ARHGAP32: variants seen among roughly 807,000 people sequenced by gnomAD.
ARHGAP32 encodes the protein Rho GTPase activating protein 32.
In ARHGAP32, 51 loss-of-function variants were observed where a neutral mutation model predicts 186.5. That is an observed-to-expected ratio of 0.27 (90% CI 0.22 to 0.35). ARHGAP32 has a LOEUF of 0.35. Among genes scored for constraint, ARHGAP32 ranks in the 10% least tolerant of loss-of-function variants. The probability of loss-of-function intolerance (pLI) is 1.00; values close to 1 mark genes in which losing one functional copy is unlikely to be tolerated. For missense variants in ARHGAP32, 2,186 were observed against 2,623.5 expected, an observed-to-expected ratio of 0.83 and a Z score of 3.64; for synonymous variants, 950 against 964.3, an observed-to-expected ratio of 0.99 and a Z score of 0.27.
intron 11 of ARHGAP32, among the ~76,000 whole-genome samples, chr11:129,037,742 C>T (rs757197430): frequency 4.0e-5 from 6 of 151,870 alleles, no homozygotes; most frequent in Non-Finnish European, 5.9e-5. Flanking sequence ...GGATGACTTA[C>T]ACTTCCCCAC....
chr11:129,246,369 C>T (rs182298467), intron 1 of ARHGAP32, among the ~76,000 whole-genome samples: 1 of 152,230 alleles, frequency 6.6e-6, no homozygotes, highest in East Asian at 1.9e-4. Context: ...GCTGGGATAA[C>T]ACAATCTATA....
At chr11:129,170,835 T>C (rs1943744422) in intron 1 of ARHGAP32, among the ~76,000 whole-genome samples, 1 of 152,320 alleles carries the variant, frequency 6.6e-6, no homozygotes, top group Admixed American at 6.5e-5. Context: ...GCATCTATTG[T>C]TTCCTGACTT....
chr11:129,061,425 A>G (rs1470034927), intron 10 of ARHGAP32, among the ~76,000 whole-genome samples: 2 of 152,206 alleles, frequency 1.3e-5, no homozygotes, highest in African/African-American at 4.8e-5. Context: ...AAACCCTAGG[A>G]TACTTTTTCC....
At chr11:129,196,978 G>A (rs1453476934), upstream of ARHGAP32, among the ~76,000 whole-genome samples, 1 of 152,056 alleles carries the variant, frequency 6.6e-6, no homozygotes, top group Non-Finnish European at 1.5e-5. Context: ...AATAGCTTCA[G>A]CCTGGGAGGG....
intron 1 of ARHGAP32, among the ~76,000 whole-genome samples, chr11:129,239,517 T>A (rs1944986611): frequency 6.6e-6 from 1 of 152,094 alleles, no homozygotes; most frequent in South Asian, 2.1e-4. Context: ...TAACCACCTT[T>A]TAGTTAGTTC....
intron 5 of ARHGAP32, among the ~76,000 whole-genome samples, chr11:129,105,927 A>C (rs1942035672): frequency 6.6e-6 from 1 of 152,186 alleles, no homozygotes. Context: ...ACATATGAGA[A>C]TATTAGCAAG....
chr11:128,987,781 C>G (rs1945919312), intron 13 of ARHGAP32, among the ~76,000 whole-genome samples: 1 of 152,060 alleles, frequency 6.6e-6, no homozygotes. Flanking sequence ...TTAAAATCTT[C>G]AAACACTATA....
At chr11:129,150,114 CA>C (rs61492745) in intron 2 of ARHGAP32, among the ~76,000 whole-genome samples, 418 of 78,124 alleles carry the variant, frequency 5.4e-3, no homozygotes, top group African/African-American at 9.8e-3. Context: ...CTGACAAAGA[CA>C]AAAAAAAAAA....
At chr11:129,227,351 G>A (rs1485873100) in intron 1 of ARHGAP32, among the ~76,000 whole-genome samples, 2 of 151,672 alleles carry the variant, frequency 1.3e-5, no homozygotes, top group African/African-American at 4.8e-5. Context: ...AGGAAAAATG[G>A]GAAAAAATTA....
At chr11:129,187,278 T>G (rs1944181626) in intron 1 of ARHGAP32, among the ~76,000 whole-genome samples, 1 of 151,948 alleles carries the variant, frequency 6.6e-6, no homozygotes, top group Admixed American at 6.6e-5. Context: ...AAGACAAACA[T>G]CACATGTTCT....
chr11:129,159,477 C>T (rs914891389), intron 2 of ARHGAP32, among the ~76,000 whole-genome samples: 9 of 152,108 alleles, frequency 5.9e-5, no homozygotes, highest in African/African-American at 2.2e-4. Context: ...TTCCTGGACA[C>T]ATACACCTTC....
At chr11:129,087,170 A>G (rs1316387145) in intron 6 of ARHGAP32, among the ~76,000 whole-genome samples, 1 of 152,238 alleles carries the variant, frequency 6.6e-6, no homozygotes, top group East Asian at 1.9e-4. Flanking sequence ...AGTCACTTTC[A>G]AAGGCAGTTT....
chr11:129,103,696 T>C (rs967960730), intron 5 of ARHGAP32, among the ~76,000 whole-genome samples: 3 of 152,174 alleles, frequency 2.0e-5, no homozygotes, highest in African/African-American at 7.2e-5. Flanking sequence ...AACAGCTGAC[T>C]TCTCATCAGA....
intron 1 of ARHGAP32, among the ~76,000 whole-genome samples, chr11:129,235,795 AGT>A (rs1296796978): frequency 6.6e-6 from 1 of 151,980 alleles, no homozygotes; most frequent in Non-Finnish European, 1.5e-5. Context: ...CCCACTCATA[AGT>A]GAGAATATAG....
intron 11 of ARHGAP32, among the ~76,000 whole-genome samples, chr11:129,027,099 A>C (rs914758003): frequency 2.4e-5 from 2 of 84,968 alleles, no homozygotes; most frequent in African/African-American, 8.9e-5. Flanking sequence ...ACTCTGTCTC[A>C]AAAAAAAAAA....
chr11:129,063,060 A>ATTCC (rs1940565978), intron 9 of ARHGAP32, among the ~76,000 whole-genome samples: 1 of 152,188 alleles, frequency 6.6e-6, no homozygotes, highest in African/African-American at 2.4e-5. Flanking sequence ...TTCAATCAAA[A>ATTCC]GAAATGCTGA....
chr11:129,103,107 G>T (rs1222755777), intron 5 of ARHGAP32, among the ~76,000 whole-genome samples: 2 of 152,104 alleles, frequency 1.3e-5, no homozygotes. Flanking sequence ...CTACAACAGG[G>T]ATGAACACTG....
intron 6 of ARHGAP32, among the ~76,000 whole-genome samples, chr11:129,067,763 C>T (rs540460125): frequency 1.4e-4 from 22 of 152,120 alleles, no homozygotes; most frequent in African/African-American, 5.3e-4. Flanking sequence ...AAAGAAAAAG[C>T]CTTCAGAGAC....
At chr11:129,111,352 T>C (rs1289886408) in intron 5 of ARHGAP32, among the ~76,000 whole-genome samples, 3 of 152,230 alleles carry the variant, frequency 2.0e-5, no homozygotes, top group East Asian at 3.8e-4. Flanking sequence ...TTTGCATCTA[T>C]GTTTATCAGG....
Sources: allele counts gnomAD v4.1 joint callset (sites outside exome capture counted in the v4.1 genomes callset), GRCh38; gene constraint gnomAD v4.1.1; transcripts MANE v1.5; gene names NCBI Gene and HGNC (gene_info 2026-07-23, HGNC 2026-07-21).